The following DNAH17 variants were observed in gnomAD, a reference collection of about 807,000 sequenced individuals.
The protein encoded by DNAH17 is dynein axonemal heavy chain 17, also known as axonemal beta dynein heavy chain 17.
A neutral mutation model predicts 485.6 loss-of-function variants in DNAH17; 376 were observed. That is an observed-to-expected ratio of 0.77 (90% CI 0.71 to 0.84). DNAH17 has a LOEUF of 0.84. Ranked by LOEUF, DNAH17 falls within the 40% of genes least tolerant of loss-of-function variation. The pLI is 0.00. For missense variants in DNAH17, 6,370 were observed against 5,839.3 expected (o/e 1.09, Z -2.96); for synonymous variants, 3,031 against 2,405.9 (o/e 1.26, Z -7.60).
rs147444793 is a variant in DNAH17, at chr17:78,508,366, C to T, written c.4237-561G>A. 3.6e-3 allele frequency among the ~76,000 whole-genome samples: 545 copies of T among 152,324 alleles called. 12 individuals are homozygous for T. The highest frequency in any genetic ancestry group is 4.4e-3 in the East Asian group (23 of 5,188). On this transcript the variant is annotated intron_variant, in intron 27 of 80. Coordinates refer to ENST00000389840, the MANE Select transcript of DNAH17 (RefSeq NM_173628.4). ...CCTGTCTGCTCAGACCCTTTTAGAA[C>T]AGCTCTCACCTTCCAGCCTCTTACA...
At chr17:78,427,966 C>CAA (rs55900135) in intron 77 of DNAH17, among the ~76,000 whole-genome samples, 1 of 98,204 alleles carries the variant, frequency 1.0e-5, no homozygotes, top group African/African-American at 3.7e-5. Flanking sequence ...AACTCCGTCT[C>CAA]AAAAAAAAAA....
Position 78,494,035 on chromosome 17 carries a change from C to G in DNAH17, c.6408+1G>C. The G allele has an allele frequency of 6.2e-7, 1 of 1,611,732 alleles. No individual in the cohort carries two copies. The highest frequency in any genetic ancestry group is 8.5e-7 in the Non-Finnish European group (1 of 1,179,392). On this transcript the variant is annotated splice_donor_variant, in intron 41 of 80. Transcript: ENST00000389840. LOFTEE classifies it high-confidence loss of function. Reference sequence around the variant, plus strand: ...CAAGGTCCCTGGAGCGGGTGACACACCTGAGATTTGCCGCTGCCCGCATTC... The same window carrying G: ...CAAGGTCCCTGGAGCGGGTGACACAGCTGAGATTTGCCGCTGCCCGCATTC...
intron 20 of DNAH17, among the ~76,000 whole-genome samples, chr17:78,531,646 G>C (rs184174971): frequency 9.9e-4 from 150 of 152,262 alleles, no homozygotes; most frequent in Non-Finnish European, 1.5e-3. Context: ...CCGACATAAA[G>C]TCTGTCTTAT....
chr17:78,496,006 C>T lies in DNAH17; in HGVS notation c.5772G>A (p.Arg1924=). 6.2e-7 allele frequency: 1 copy of T among 1,613,680 alleles called. No individual in the cohort carries two copies. The highest frequency in any genetic ancestry group is 1.1e-5 in the South Asian group (1 of 91,070). ...GGAAATTGAATGCTTTTTTCTTGGC[C>T]CGAATTGCATCCTGGACACATTTTA... is the stretch of plus-strand genomic sequence containing the variant. ...VQVKCVQDAI[R]AKKKAFNFLG... Residue 1924 remains arginine (R), a synonymous_variant, in exon 38 of 81, where the codon CGG becomes CGA. Transcript: ENST00000389840.
chr17:78,495,296 G>A (rs899688503), intron 38 of DNAH17, among the ~76,000 whole-genome samples, 199 bp from the exon 39 acceptor site: 1 of 152,152 alleles, frequency 6.6e-6, no homozygotes. Context: ...TCCACTGGGT[G>A]CACCTTCAGG....
intron 56 of DNAH17, among the ~76,000 whole-genome samples, chr17:78,463,397 C>T (rs115191522): frequency 3.3e-5 from 5 of 152,334 alleles, no homozygotes; most frequent in East Asian, 1.9e-4. Context: ...CATATATACG[C>T]GTGCACACGC....
At chr17:78,464,931 A>G (rs1243255916) in intron 56 of DNAH17, among the ~76,000 whole-genome samples, 1 of 152,254 alleles carries the variant, frequency 6.6e-6, no homozygotes, top group Non-Finnish European at 1.5e-5. Context: ...AAAATATTAC[A>G]TTAAAACCTC....
chr17:78,552,923 C>G (rs936590083), intron 14 of DNAH17, 118 bp from the exon 15 acceptor site: 12 of 722,738 alleles, frequency 1.7e-5, no homozygotes, highest in Non-Finnish European at 2.9e-5. Context: ...TGTCCCCACT[C>G]AGGTCTCATG....
At chr17:78,506,134 T>C (rs148600049) in intron 30 of DNAH17, among the ~76,000 whole-genome samples, 1 of 84,108 alleles carries the variant, frequency 1.2e-5, no homozygotes, top group Non-Finnish European at 2.3e-5. Flanking sequence ...TCCCTTCACC[T>C]AGTTAATTTT....
chr17:78,487,973 G>A (rs2089685810), intron 44 of DNAH17, among the ~76,000 whole-genome samples: 2 of 152,198 alleles, frequency 1.3e-5, no homozygotes, highest in Admixed American at 6.5e-5. Flanking sequence ...ATGTCCCTAA[G>A]CGAATCAGGG....
Position 78,449,486 on chromosome 17 carries a change from G to A in DNAH17, c.11139C>T (p.Ser3713=), listed in dbSNP as rs377626139. The A allele has an allele frequency of 5.8e-5, 92 of 1,573,116 alleles. No homozygotes were observed. The highest frequency in any genetic ancestry group is 3.9e-4 in the Admixed American group (21 of 53,386). The stretch of plus-strand genomic sequence containing the variant: ...GTCCCCGGGCCGTGTACATGTAGAC[G>A]GAGTAGGTGATCTCGTCCGTCAGGT... ...VINLTDEITY[S]VYMYTARGLF... is the part of the protein sequence containing the mutation. Residue 3713 remains serine, a synonymous_variant, in exon 69 of 81, where the codon TCC becomes TCT. Coordinates refer to ENST00000389840, the MANE Select transcript of DNAH17 (RefSeq NM_173628.4).
At chr17:78,572,200 C>T (rs548567131) in intron 3 of DNAH17, among the ~76,000 whole-genome samples, 39 of 152,228 alleles carry the variant, frequency 2.6e-4, no homozygotes, top group Middle Eastern at 6.8e-3. Context: ...CATATCAGGG[C>T]GGTTGCAAAT....
At chr17:78,502,797 C>T (rs2090345503) in intron 32 of DNAH17, 89 bp downstream of exon 32, 3 of 1,588,222 alleles carry the variant, frequency 1.9e-6, no homozygotes, top group African/African-American at 1.4e-5. Context: ...TTCCAGGGGA[C>T]CACAGTTAAC....
chr17:78,453,174 T>C lies in DNAH17; in HGVS notation c.10529+169A>G, dbSNP rs529915594. On this transcript the variant is annotated intron_variant, in intron 65 of 80. Transcript: ENST00000389840. ...GGGAAGTGGCCCCTCTTTCCAGTCTTTCCTCAGGAGCTGGGGGTTCCTTCC... is the reference window on the plus strand; with the variant it reads ...GGGAAGTGGCCCCTCTTTCCAGTCTCTCCTCAGGAGCTGGGGGTTCCTTCC... Among the ~76,000 whole-genome samples, 194 of 152,304 alleles carry C rather than the reference T, an allele frequency of 1.3e-3. 1 individual carries two copies. The highest frequency in any genetic ancestry group is 4.5e-3 in the African/African-American group (189 of 41,562).
chr17:78,437,171 A>G (rs2086876588), intron 74 of DNAH17, among the ~76,000 whole-genome samples: 1 of 152,180 alleles, frequency 6.6e-6, no homozygotes, highest in Non-Finnish European at 1.5e-5. Flanking sequence ...AAACCTGGTC[A>G]CAGATCCAGA....
At chr17:78,447,760 T>G (rs1204756360) in intron 69 of DNAH17, among the ~76,000 whole-genome samples, 1 of 138,820 alleles carries the variant, frequency 7.2e-6, no homozygotes, top group African/African-American at 3.1e-5. Flanking sequence ...TGGACCCCAT[T>G]GGTTCAAAGT....
rs1005493553 is a variant in DNAH17 at position 78,468,641 on chromosome 17, G to A, written c.8754C>T (p.Ile2918=). ...CCTTGAGCTGTCTGCGCACTTTTTC[G>A]ATGAAGAACTTCCAACATGTTTCCC... ...DTRETCWKFF[I]EKVRRQLKVI... Residue 2918 remains isoleucine, a synonymous_variant, in exon 55 of 81, where the codon ATC becomes ATT. Transcript: ENST00000389840. The A allele has an allele frequency of 3.8e-5, 62 of 1,613,406 alleles. No homozygotes were observed. The highest frequency in any genetic ancestry group is 8.9e-5 in the East Asian group (4 of 44,902).
At chr17:78,540,447 ATGGG>A (rs1212303093) in intron 17 of DNAH17, among the ~76,000 whole-genome samples, 2 of 6,316 alleles carry the variant, frequency 3.2e-4, no homozygotes, top group Non-Finnish European at 5.8e-4. Context: ...GGATGGATGG[ATGGG>A]TGGGTGGGTG....
chr17:78,529,007 G>A (rs1179237413), intron 22 of DNAH17, among the ~76,000 whole-genome samples: 1 of 150,604 alleles, frequency 6.6e-6, no homozygotes, highest in South Asian at 2.1e-4. Context: ...GCAGTGGTGC[G>A]ATCTCAGCTC....
Sources: allele counts gnomAD v4.1 joint callset (sites outside exome capture counted in the v4.1 genomes callset), GRCh38; gene constraint gnomAD v4.1.1; transcripts MANE v1.5; gene names NCBI Gene and HGNC (gene_info 2026-07-23, HGNC 2026-07-21).